TCF12: variants seen among roughly 807,000 people sequenced by gnomAD.
TCF12 encodes the protein transcription factor 12, also known as DNA-binding protein HTF4.
TCF12 carries 45 observed loss-of-function variants against 86.0 expected under a neutral mutation model. The ratio of observed to expected loss-of-function variants is 0.52; its 90% CI spans 0.41 to 0.67. The LOEUF is 0.67. TCF12 is among the 30% of genes least tolerant of loss of function. TCF12 has a pLI of 0.00. For missense variants in TCF12, 881 were observed against 859.9 expected, an observed-to-expected ratio of 1.02 and a Z score of -0.31; for synonymous variants, 330 against 299.6, an observed-to-expected ratio of 1.10 and a Z score of -1.05.
chr15:56,968,886 G>A (rs1310534713), intron 3 of TCF12, among the ~76,000 whole-genome samples: 1 of 152,110 alleles, frequency 6.6e-6, no homozygotes, highest in African/African-American at 2.4e-5. Flanking sequence ...TTGGTAAGGC[G>A]GGACAACTTG....
At chr15:57,072,625 A>G (rs1348576834) in intron 4 of TCF12, 1 of 1,281,806 alleles carries the variant, frequency 7.8e-7, no homozygotes, top group East Asian at 4.7e-5. Context: ...CGAATTTTGA[A>G]ATAGTATTTT....
intron 3 of TCF12, among the ~76,000 whole-genome samples, chr15:56,991,832 A>G (rs1241691224): frequency 2.0e-5 from 3 of 152,166 alleles, no homozygotes; most frequent in African/African-American, 4.8e-5. Flanking sequence ...TCATTGATTA[A>G]TACATTGTAC....
intron 5 of TCF12, among the ~76,000 whole-genome samples, chr15:57,160,905 G>T (rs1227338403): frequency 1.3e-5 from 2 of 151,870 alleles, no homozygotes; most frequent in Non-Finnish European, 2.9e-5. Context: ...GCCCAGGCTG[G>T]TCTTGAACTC....
At chr15:56,940,417 C>G (rs1326671796) in intron 3 of TCF12, among the ~76,000 whole-genome samples, 3 of 152,086 alleles carry the variant, frequency 2.0e-5, no homozygotes, top group African/African-American at 7.2e-5. Flanking sequence ...GACTGCACAT[C>G]TAGACATGAT....
intron 5 of TCF12, among the ~76,000 whole-genome samples, chr15:57,154,996 A>C (rs555658025): frequency 6.6e-6 from 1 of 152,296 alleles, no homozygotes; most frequent in East Asian, 1.9e-4. Flanking sequence ...TTATCCTCAC[A>C]AAAAACCCAG....
chr15:56,997,173 C>T (rs573329387), intron 3 of TCF12, among the ~76,000 whole-genome samples: 4 of 152,284 alleles, frequency 2.6e-5, no homozygotes, highest in Admixed American at 1.3e-4. Flanking sequence ...CACATATACC[C>T]GTATGTCCAT....
intron 8 of TCF12, among the ~76,000 whole-genome samples, chr15:57,209,524 T>G (rs2058014994): frequency 1.3e-5 from 2 of 152,242 alleles, no homozygotes; most frequent in African/African-American, 4.8e-5. Flanking sequence ...AGGACAGTCT[T>G]ATATTTCTCT....
intron 5 of TCF12, among the ~76,000 whole-genome samples, chr15:57,148,087 T>A (rs1462168408): frequency 6.6e-6 from 1 of 151,914 alleles, no homozygotes; most frequent in Non-Finnish European, 1.5e-5. Context: ...TCGCACTATG[T>A]TGCCCAGGCT....
intron 4 of TCF12, among the ~76,000 whole-genome samples, chr15:57,075,930 C>T (rs1596407790): frequency 6.7e-6 from 1 of 149,610 alleles, no homozygotes; most frequent in African/African-American, 2.5e-5. Flanking sequence ...GTGACACGAT[C>T]GTGGCCTATT....
intron 12 of TCF12, among the ~76,000 whole-genome samples, chr15:57,238,825 A>G (rs1344406171): frequency 2.0e-5 from 3 of 152,232 alleles, no homozygotes; most frequent in South Asian, 2.1e-4. Context: ...CAGATATACA[A>G]ATAATGATAA....
chr15:57,198,465 A>C lies in TCF12; in HGVS notation c.579+640A>C, dbSNP rs2057378437. 1.3e-5 allele frequency among the ~76,000 whole-genome samples: 2 copies of C among 152,194 alleles called. 1 individual carries two copies. The highest frequency in any genetic ancestry group is 4.1e-4 in the South Asian group (2 of 4,826). On this transcript the variant is annotated intron_variant, in intron 8 of 20. Coordinates refer to ENST00000333725, the MANE Select transcript of TCF12 (RefSeq NM_207037.2). ...TGAGAATAAAGGGCTTTGATGAAGA[A>C]GGTTGGAAAGGTTTGGTGGAACAAT...
chr15:56,995,231 C>CTGTTTTTTTTTTTTTTTTT (rs2063645591), intron 3 of TCF12, among the ~76,000 whole-genome samples: 1 of 30,282 alleles, frequency 3.3e-5, no homozygotes, highest in Non-Finnish European at 6.2e-5. Context: ...ATACCTGCAG[C>CTGTTTTTTTTTTTTTTTTT]TTTTTTTTTT....
chr15:57,113,395 C>A (rs1380922794), intron 5 of TCF12, among the ~76,000 whole-genome samples: 1 of 152,154 alleles, frequency 6.6e-6, no homozygotes, highest in African/African-American at 2.4e-5. Context: ...CTCTCTTTTT[C>A]TGCTGAATTA....
intron 3 of TCF12, among the ~76,000 whole-genome samples, chr15:57,021,682 A>G (rs887062916): frequency 6.6e-6 from 1 of 152,118 alleles, no homozygotes; most frequent in African/African-American, 2.4e-5. Context: ...GAGTTCTTAT[A>G]TTTAGGACAG....
intron 6 of TCF12, among the ~76,000 whole-genome samples, chr15:57,173,383 A>T (rs1273120550): frequency 1.3e-5 from 2 of 152,170 alleles, no homozygotes; most frequent in African/African-American, 4.8e-5. Flanking sequence ...AAATAAATAG[A>T]AAGAAGGAAA....
chr15:57,025,923 A>G (rs893210737), intron 3 of TCF12, among the ~76,000 whole-genome samples: 3 of 152,214 alleles, frequency 2.0e-5, no homozygotes, highest in Non-Finnish European at 4.4e-5. Context: ...AGTGACTTAG[A>G]AAGGCATGTT....
At chr15:57,250,515 G>A (rs2152004040) in intron 13 of TCF12, among the ~76,000 whole-genome samples, 1 of 152,264 alleles carries the variant, frequency 6.6e-6, no homozygotes, top group Non-Finnish European at 1.5e-5. Context: ...GATCACTTAA[G>A]GTCAGGAGTT....
intron 8 of TCF12, among the ~76,000 whole-genome samples, chr15:57,207,589 T>G (rs2057892775): frequency 6.6e-6 from 1 of 152,094 alleles, no homozygotes; most frequent in South Asian, 2.1e-4. Flanking sequence ...GAGAATCACT[T>G]GAACCCAGGA....
intron 3 of TCF12, among the ~76,000 whole-genome samples, chr15:57,045,869 G>T (rs1203426486): frequency 6.6e-6 from 1 of 152,004 alleles, no homozygotes; most frequent in African/African-American, 2.4e-5. Context: ...TTAGTACAGA[G>T]GCTATTAGCT....
Sources: gnomAD v4.1 joint callset for allele counts (sites outside exome capture counted in the v4.1 genomes callset) on GRCh38, gnomAD v4.1.1 for gene constraint, MANE v1.5 for transcripts, NCBI Gene and HGNC (gene_info 2026-07-23, HGNC 2026-07-21) for gene names.